Variants in RSRC1 observed in about 807,000 individuals in gnomAD.
RSRC1 encodes the protein arginine and serine rich coiled-coil 1.
Under a neutral mutation model 49.1 loss-of-function variants are expected in RSRC1, and 39 were observed. That is an observed-to-expected ratio of 0.79 (90% CI 0.61 to 1.04). RSRC1 has a LOEUF of 1.04. Among genes scored for constraint, RSRC1 ranks in the 50% least tolerant of loss-of-function variants. RSRC1 has a pLI of 0.00. For synonymous variants in RSRC1, 143 were observed against 130.8 expected, an observed-to-expected ratio of 1.09 and a Z score of -0.63; for missense variants, 388 against 402.4, an observed-to-expected ratio of 0.96 and a Z score of 0.31.
At chr3:158,511,007 T>G (rs1330147307) in intron 7 of RSRC1, among the ~76,000 whole-genome samples, 1 of 152,208 alleles carries the variant, frequency 6.6e-6, no homozygotes, top group African/African-American at 2.4e-5. Context: ...ATTTTTATCC[T>G]AGAGCATGGT....
rs146503303 is a variant in RSRC1, at chr3:158,516,060, G to A, written c.653-21032G>A. Among the ~76,000 whole-genome samples the A allele has an allele frequency of 5.2e-3, 784 of 152,182 alleles. 2 individuals are homozygous for A. The highest frequency in any genetic ancestry group is 0.018 in the African/African-American group (735 of 41,514). ...TTGGTTTGAATGTCCTCCGTAGCTT[G>A]GAGTAATTTGATCATCTGAAGCCTT... On this transcript the variant is annotated intron_variant, in intron 7 of 9. Transcript: ENST00000611884.
At chr3:158,407,917 A>G (rs1333629650) in intron 6 of RSRC1, among the ~76,000 whole-genome samples, 1 of 152,230 alleles carries the variant, frequency 6.6e-6, no homozygotes, top group African/African-American at 2.4e-5. Context: ...GAGAAATGCA[A>G]GGATTAATGA....
rs114853019 is a variant in RSRC1 at position 158,493,141 on chromosome 3, G to T, written c.652+32138G>T. 3.1e-3 allele frequency among the ~76,000 whole-genome samples: 475 copies of T among 152,286 alleles called. 2 individuals are homozygous for T. The highest frequency in any genetic ancestry group is 0.011 in the African/African-American group (457 of 41,562). ...ATTGGAGGAAGTAGATTGAAGTAAA[G>T]TGAGATTTGTTAAATCTCTTTTAAC... On this transcript the variant is annotated intron_variant, in intron 7 of 9. Coordinates refer to ENST00000611884, the MANE Select transcript of RSRC1 (RefSeq NM_001271838.2).
At chr3:158,314,273 A>T (rs1048709060) in intron 5 of RSRC1, among the ~76,000 whole-genome samples, 1 of 152,100 alleles carries the variant, frequency 6.6e-6, no homozygotes, top group Non-Finnish European at 1.5e-5. Context: ...GTACTTTTTT[A>T]GTAGAGACAG....
chr3:158,316,438 A>ATT (rs564633575), intron 5 of RSRC1, among the ~76,000 whole-genome samples: 786 of 72,236 alleles, frequency 0.011, 135 homozygotes, highest in East Asian at 0.022. Context: ...AGAATCTCTC[A>ATT]TTTTTTTTTT....
chr3:158,448,342 G>A (rs16828991), intron 6 of RSRC1, among the ~76,000 whole-genome samples: 2,871 of 151,782 alleles, frequency 0.019, 93 homozygotes, highest in African/African-American at 0.066. Flanking sequence ...TGTAGTACAT[G>A]GCATCTTAAT....
At chr3:158,459,143 A>C (rs1737491199) in intron 6 of RSRC1, among the ~76,000 whole-genome samples, 1 of 152,162 alleles carries the variant, frequency 6.6e-6, no homozygotes, top group Non-Finnish European at 1.5e-5. Flanking sequence ...ATATATTTGG[A>C]GCTCTTGATT....
At chr3:158,390,580 T>A (rs995452070) in intron 6 of RSRC1, among the ~76,000 whole-genome samples, 13 of 152,176 alleles carry the variant, frequency 8.5e-5, no homozygotes, top group Non-Finnish European at 1.5e-4. Context: ...TACTAGGGAT[T>A]ATACTAACTA....
intron 4 of RSRC1, among the ~76,000 whole-genome samples, chr3:158,289,389 A>G (rs1466037608): frequency 1.3e-5 from 2 of 152,228 alleles, no homozygotes; most frequent in Non-Finnish European, 2.9e-5. Context: ...GCTGTTTAAT[A>G]TATTTAATTT....
chr3:158,245,332 T>C (rs1419841970), intron 4 of RSRC1, among the ~76,000 whole-genome samples: 3 of 152,140 alleles, frequency 2.0e-5, no homozygotes, highest in Non-Finnish European at 4.4e-5. Flanking sequence ...TTGTATGGCT[T>C]TTAGTGAATT....
At chr3:158,285,986 C>T (rs1349009043) in intron 4 of RSRC1, among the ~76,000 whole-genome samples, 3 of 152,092 alleles carry the variant, frequency 2.0e-5, no homozygotes, top group African/African-American at 4.8e-5. Context: ...AATGGCATTT[C>T]CTTTTATTTT....
intron 4 of RSRC1, among the ~76,000 whole-genome samples, chr3:158,244,058 C>T (rs1220693736): frequency 6.7e-6 from 1 of 148,638 alleles, no homozygotes; most frequent in African/African-American, 2.5e-5. Context: ...TATAGGATTA[C>T]ACCATCTGCA....
intron 3 of RSRC1, among the ~76,000 whole-genome samples, chr3:158,188,465 G>A (rs537415592): frequency 1.8e-4 from 27 of 151,966 alleles, no homozygotes; most frequent in Admixed American, 7.2e-4. Context: ...CATCCACCAG[G>A]CTTTTGTTTA....
intron 3 of RSRC1, among the ~76,000 whole-genome samples, chr3:158,155,162 A>G (rs6768496): frequency 0.65 from 98,437 of 152,012 alleles, 32,771 homozygotes; most frequent in African/African-American, 0.79. Flanking sequence ...TGTGAATCAG[A>G]AATGTTCTTA....
chr3:158,165,155 A>T (rs1718461087), intron 3 of RSRC1, among the ~76,000 whole-genome samples: 1 of 152,210 alleles, frequency 6.6e-6, no homozygotes, highest in Non-Finnish European at 1.5e-5. Context: ...CTTAATGAAC[A>T]CATTAATTAG....
rs187788389 is a variant in RSRC1, at chr3:158,222,784, C to T, written c.494+19539C>T. Among the ~76,000 whole-genome samples the T allele has an allele frequency of 3.9e-3, 587 of 151,668 alleles. 4 individuals are homozygous for T. The highest frequency in any genetic ancestry group is 0.013 in the African/African-American group (552 of 41,466). On this transcript the variant is annotated intron_variant, in intron 4 of 9. Transcript: ENST00000611884. ...ATGGAAGAAATGTCTTTGTTTTTAT[C>T]ATTTTGCTCTGAATCCCGTTACCTT...
chr3:158,476,254 G>A (rs1015865146), intron 7 of RSRC1, among the ~76,000 whole-genome samples: 2 of 152,150 alleles, frequency 1.3e-5, no homozygotes, highest in Non-Finnish European at 2.9e-5. Flanking sequence ...AGTAGTCTTC[G>A]TAACGTAAAA....
At chr3:158,364,816 AAATAATAAT>A (rs59055843) in intron 6 of RSRC1, among the ~76,000 whole-genome samples, 72 of 144,202 alleles carry the variant, frequency 5.0e-4, no homozygotes, top group East Asian at 4.0e-3. Context: ...AGAATGGGAA[AAATAATAAT>A]AATAATAATA....
In RSRC1 at chr3:158,421,835, G is replaced by A. The variant is rs1050896844; in HGVS notation, c.584-39100G>A. On this transcript the variant is annotated intron_variant, in intron 6 of 9. Coordinates refer to ENST00000611884, the MANE Select transcript of RSRC1 (RefSeq NM_001271838.2). ...ACCTTACCATCATAAACAACAAATG[G>A]CAGAGTTTATAGGTCATTTTGCAAA... Among the ~76,000 whole-genome samples the A allele has an allele frequency of 6.6e-5, 10 of 151,800 alleles. No homozygotes were observed. In the East Asian group the frequency reaches 1.4e-3, roughly 21 times the overall value.
Sources: gnomAD v4.1 joint callset for allele counts (sites outside exome capture counted in the v4.1 genomes callset) on GRCh38, gnomAD v4.1.1 for gene constraint, MANE v1.5 for transcripts, NCBI Gene and HGNC (gene_info 2026-07-23, HGNC 2026-07-21) for gene names.